Variants in SGCZ observed in about 807,000 individuals in gnomAD.
SGCZ encodes the protein zeta-sarcoglycan.
A neutral mutation model predicts 41.3 loss-of-function variants in SGCZ; 40 were observed. The ratio of observed to expected loss-of-function variants is 0.97; its 90% CI spans 0.75 to 1.26. The LOEUF is 1.26. Among genes scored for constraint, SGCZ ranks in the 50% most tolerant of loss-of-function variants. SGCZ has a pLI of 0.00. For missense variants in SGCZ, 552 were observed against 369.8 expected, an observed-to-expected ratio of 1.49 and a Z score of -4.04; for synonymous variants, 206 against 137.5, an observed-to-expected ratio of 1.50 and a Z score of -3.49.
At chr8:15,093,420 T>A (rs1249595826) in intron 1 of SGCZ, among the ~76,000 whole-genome samples, 3 of 152,216 alleles carry the variant, frequency 2.0e-5, no homozygotes, top group African/African-American at 7.2e-5. Context: ...GTATTTCACC[T>A]TCAATATTCA....
chr8:14,665,523 C>T (rs570829658), intron 1 of SGCZ, among the ~76,000 whole-genome samples: 2 of 152,212 alleles, frequency 1.3e-5, no homozygotes, highest in African/African-American at 4.8e-5. Flanking sequence ...TGGGTATATA[C>T]CCAGTAATGG....
chr8:15,102,937 A>G (rs1024947224), intron 1 of SGCZ, among the ~76,000 whole-genome samples: 1 of 152,220 alleles, frequency 6.6e-6, no homozygotes, highest in Non-Finnish European at 1.5e-5. Context: ...TATAAATCAT[A>G]TTCCTTACAC....
At chr8:14,132,970 T>C (rs1405468110) in intron 5 of SGCZ, among the ~76,000 whole-genome samples, 5 of 152,144 alleles carry the variant, frequency 3.3e-5, no homozygotes, top group Non-Finnish European at 5.9e-5. Context: ...AGCTAGTGTT[T>C]TGAGAAGATT....
intron 1 of SGCZ, among the ~76,000 whole-genome samples, chr8:14,613,029 G>C (rs1805980733): frequency 1.3e-5 from 2 of 152,038 alleles, no homozygotes; most frequent in Non-Finnish European, 2.9e-5. Context: ...TCCTGGTCTG[G>C]GGAAAGAACT....
At chr8:14,502,541 T>G (rs1207564736) in intron 2 of SGCZ, among the ~76,000 whole-genome samples, 2 of 152,000 alleles carry the variant, frequency 1.3e-5, no homozygotes, top group African/African-American at 2.4e-5. Context: ...GTGAGAAAAT[T>G]TTTGCGATCT....
At chr8:14,396,722 T>C (rs981932422) in intron 2 of SGCZ, among the ~76,000 whole-genome samples, 7 of 152,036 alleles carry the variant, frequency 4.6e-5, no homozygotes, top group Admixed American at 3.3e-4. Flanking sequence ...CATGGTCTAC[T>C]GAGGGCTTAT....
chr8:15,024,733 G>T (rs1354275423), intron 1 of SGCZ, among the ~76,000 whole-genome samples: 1 of 151,926 alleles, frequency 6.6e-6, no homozygotes, highest in Non-Finnish European at 1.5e-5. Context: ...TCAGGAGATC[G>T]AGACTGTCCT....
At chr8:14,980,009 A>T (rs1801609056) in intron 1 of SGCZ, among the ~76,000 whole-genome samples, 2 of 152,216 alleles carry the variant, frequency 1.3e-5, no homozygotes, top group African/African-American at 4.8e-5. Context: ...CCTTCATGAC[A>T]AACTTAGGAA....
intron 1 of SGCZ, among the ~76,000 whole-genome samples, chr8:14,617,057 T>G (rs2117357427): frequency 6.6e-6 from 1 of 152,232 alleles, no homozygotes; most frequent in East Asian, 1.9e-4. Flanking sequence ...AAAAAAATCT[T>G]AATATAAAAC....
At chr8:15,044,310 C>T (rs1804222074) in intron 1 of SGCZ, among the ~76,000 whole-genome samples, 1 of 152,094 alleles carries the variant, frequency 6.6e-6, no homozygotes, top group Non-Finnish European at 1.5e-5. Context: ...TTTCTGCCCA[C>T]TTTATCAAGG....
chr8:14,671,690 T>C (rs1808107668), intron 1 of SGCZ, among the ~76,000 whole-genome samples: 1 of 152,118 alleles, frequency 6.6e-6, no homozygotes, highest in South Asian at 2.1e-4. Context: ...CCATGCATTT[T>C]CACTTTTAAG....
intron 1 of SGCZ, among the ~76,000 whole-genome samples, chr8:14,649,864 T>C (rs1211592751): frequency 6.6e-6 from 1 of 151,972 alleles, no homozygotes; most frequent in Non-Finnish European, 1.5e-5. Flanking sequence ...ATCTGAGTCC[T>C]CATGGAACCA....
chr8:14,794,513 C>T (rs535284793), intron 1 of SGCZ, among the ~76,000 whole-genome samples: 3 of 152,124 alleles, frequency 2.0e-5, no homozygotes, highest in African/African-American at 7.2e-5. Flanking sequence ...CAACAAATAT[C>T]TGCAAAGAAA....
rs1005169535 is a variant in SGCZ at position 14,164,840 on chromosome 8, T to A, written c.425-138A>T. 1.3e-5 allele frequency: 14 copies of A among 1,117,138 alleles called. No homozygotes were observed. The African/African-American group carries it at 2.1e-4, about 16-fold the overall frequency. The allele number at this position is 1,117,138 out of a possible 1,614,324, so 69.2% of individuals were successfully genotyped here. On this transcript the variant is annotated intron_variant, in intron 4 of 7. Coordinates refer to ENST00000382080, the MANE Select transcript of SGCZ (RefSeq NM_139167.4). ...TGTATGTTTTGCATCTGAGTTAGTATCTTTAAATTGTCACCATTTTCAGGA... is the reference window on the plus strand; with the variant it reads ...TGTATGTTTTGCATCTGAGTTAGTAACTTTAAATTGTCACCATTTTCAGGA...
At position 14,946,371 on chromosome 8, in the gene SGCZ, T is replaced by G. The variant is rs1800446496; in HGVS notation, c.39+291214A>C. On this transcript the variant is annotated intron_variant, in intron 1 of 7. Coordinates refer to ENST00000382080, the MANE Select transcript of SGCZ (RefSeq NM_139167.4). The stretch of plus-strand genomic sequence containing the variant: ...CCTCGCGCATCACAGAAGGAAACGC[T>G]GCTCTCCGCAGTCCCAAACTTTGCA... Among the ~76,000 whole-genome samples, 3 of 151,826 alleles carry G rather than the reference T, an allele frequency of 2.0e-5. No individual in the cohort carries two copies. The South Asian group carries it at 6.2e-4, about 32-fold the overall frequency.
At chr8:15,194,115 T>C (rs183784774) in intron 1 of SGCZ, among the ~76,000 whole-genome samples, 37 of 152,108 alleles carry the variant, frequency 2.4e-4, no homozygotes, top group African/African-American at 8.0e-4. Context: ...AAATATAGTT[T>C]ACAAGTAGTT....
chr8:14,263,762 C>CA (rs1299168671), intron 3 of SGCZ, among the ~76,000 whole-genome samples: 3 of 151,770 alleles, frequency 2.0e-5, no homozygotes, highest in East Asian at 3.9e-4. Context: ...AGCATAAAAA[C>CA]AAAAAAAGAT....
chr8:15,144,934 A>G (rs531839981), intron 1 of SGCZ, among the ~76,000 whole-genome samples: 56 of 152,146 alleles, frequency 3.7e-4, no homozygotes, highest in Non-Finnish European at 6.9e-4. Context: ...TATTCTCTTC[A>G]GTCACTATGT....
intron 1 of SGCZ, chr8:14,879,322 T>C (rs1166632582): frequency 6.6e-6 from 1 of 151,996 alleles, no homozygotes; most frequent in African/African-American, 2.4e-5. Context: ...AGTGAGACTC[T>C]ATGTTAAAAA....
Sources: gnomAD v4.1 joint callset for allele counts (sites outside exome capture counted in the v4.1 genomes callset) on GRCh38, gnomAD v4.1.1 for gene constraint, MANE v1.5 for transcripts, NCBI Gene and HGNC (gene_info 2026-07-23, HGNC 2026-07-21) for gene names.